TENM2: variants seen among roughly 807,000 people sequenced by gnomAD.
TENM2 encodes the protein teneurin transmembrane protein 2, also known as teneurin-2.
In TENM2, 52 loss-of-function variants were observed where a neutral mutation model predicts 245.2. That is an observed-to-expected ratio of 0.21 (90% CI 0.17 to 0.27). The LOEUF is 0.27. Among genes scored for constraint, TENM2 ranks in the 10% least tolerant of loss-of-function variants. TENM2 has a pLI of 1.00. For missense variants in TENM2, 3,046 were observed against 3,666.8 expected (o/e 0.83, Z 4.37); for synonymous variants, 1,363 against 1,438.9 (o/e 0.95, Z 1.19).
chr5:167,645,849 T>A lies in TENM2; in HGVS notation c.503-230137T>A, dbSNP rs142291498. On this transcript the variant is annotated intron_variant, in intron 2 of 28. Coordinates refer to ENST00000518659, the Ensembl canonical transcript of TENM2. The stretch of plus-strand genomic sequence containing the variant: ...AAATATATACACACACCTATATATG[T>A]ATATGTAATGCATATATTACAACAT... Among the ~76,000 whole-genome samples, 207 of 152,166 alleles carry A rather than the reference T, an allele frequency of 1.4e-3. 2 individuals carry two copies. The East Asian group carries it at 0.031, about 23-fold the overall frequency.
the TENM2 span, among the ~76,000 whole-genome samples, chr5:167,215,140 G>A: frequency 6.6e-6 from 1 of 152,094 alleles, no homozygotes; most frequent in Non-Finnish European, 1.5e-5. Context: ...TTCATATAGT[G>A]CTTCTTGCCC....
At chr5:168,209,600 G>C (rs1268401399) in intron 19 of TENM2, among the ~76,000 whole-genome samples, 1 of 152,156 alleles carries the variant, frequency 6.6e-6, no homozygotes, top group Non-Finnish European at 1.5e-5. Flanking sequence ...CCTTCCTCAA[G>C]GGGAAAATGT....
At chr5:167,315,943 A>G (rs938281294) in intron 1 of TENM2, among the ~76,000 whole-genome samples, 2 of 152,166 alleles carry the variant, frequency 1.3e-5, no homozygotes, top group Admixed American at 1.3e-4. Flanking sequence ...CAAAGCGTCT[A>G]TTTGCATTTC....
At chr5:167,548,181 G>A (rs1772689268) in intron 2 of TENM2, among the ~76,000 whole-genome samples, 1 of 152,312 alleles carries the variant, frequency 6.6e-6, no homozygotes, top group African/African-American at 2.4e-5. Flanking sequence ...GAGATAGTCA[G>A]ATGAAAGGTG....
chr5:167,730,781 A>G (rs1760368464), intron 2 of TENM2, among the ~76,000 whole-genome samples: 2 of 152,212 alleles, frequency 1.3e-5, no homozygotes. Context: ...CTGATATCTT[A>G]AAAGGCTAAA....
chr5:167,201,314 A>G, the TENM2 span, among the ~76,000 whole-genome samples: 1 of 152,342 alleles, frequency 6.6e-6, no homozygotes, highest in South Asian at 2.1e-4. Flanking sequence ...TTGGAATTAT[A>G]TTGCCTTTTA....
chr5:168,226,890 G>GATATA (rs1764240083), intron 24 of TENM2, among the ~76,000 whole-genome samples: 1 of 152,190 alleles, frequency 6.6e-6, no homozygotes, highest in Non-Finnish European at 1.5e-5. Flanking sequence ...ATATAATGTC[G>GATATA]GTGGGCTAGC....
chr5:167,993,960 G>T (rs1783862426), intron 5 of TENM2, among the ~76,000 whole-genome samples: 1 of 152,236 alleles, frequency 6.6e-6, no homozygotes, highest in African/African-American at 2.4e-5. Context: ...GGCAGATGCT[G>T]AGCGCCCAGG....
intron 2 of TENM2, among the ~76,000 whole-genome samples, chr5:167,800,994 A>G (rs1173693277): frequency 6.6e-6 from 1 of 151,544 alleles, no homozygotes; most frequent in Non-Finnish European, 1.5e-5. Flanking sequence ...TGCCTTAAAA[A>G]AAAGAACAAC....
At chr5:167,558,660 A>G (rs894494190) in intron 2 of TENM2, among the ~76,000 whole-genome samples, 5 of 152,206 alleles carry the variant, frequency 3.3e-5, no homozygotes, top group Non-Finnish European at 7.3e-5. Flanking sequence ...TCACCCCCTG[A>G]TGGGACCATC....
chr5:167,602,314 C>A (rs1776693628), intron 2 of TENM2, among the ~76,000 whole-genome samples: 1 of 152,148 alleles, frequency 6.6e-6, no homozygotes, highest in East Asian at 1.9e-4. Flanking sequence ...GTATCGAGGA[C>A]CTTTTAACTC....
At chr5:167,761,306 T>G (rs1413318843) in intron 2 of TENM2, among the ~76,000 whole-genome samples, 1 of 152,132 alleles carries the variant, frequency 6.6e-6, no homozygotes, top group African/African-American at 2.4e-5. Flanking sequence ...CATTAACATA[T>G]AAGCTCAACC....
the TENM2 span, among the ~76,000 whole-genome samples, chr5:167,076,933 C>T: frequency 2.0e-5 from 3 of 152,098 alleles, no homozygotes; most frequent in Non-Finnish European, 4.4e-5. Context: ...CTTCATTTCC[C>T]AGGTTCAAGT....
In TENM2 at chr5:167,314,601, G is replaced by A. The variant is rs531372977; in HGVS notation, c.226+29538G>A. The stretch of plus-strand genomic sequence containing the variant: ...CTTTACATAAGATGAGATGGATGTC[G>A]TTTTAAAGATATCGTGACAAATTTT... On this transcript the variant is annotated intron_variant, in intron 1 of 28. Coordinates refer to ENST00000518659, the Ensembl canonical transcript of TENM2. 4.6e-5 allele frequency among the ~76,000 whole-genome samples: 7 copies of A among 152,170 alleles called. No individual in the cohort carries two copies. The South Asian group carries it at 8.3e-4, about 18-fold the overall frequency.
At chr5:167,395,391 A>G (rs1761995926) in intron 2 of TENM2, among the ~76,000 whole-genome samples, 1 of 151,980 alleles carries the variant, frequency 6.6e-6, no homozygotes, top group South Asian at 2.1e-4. Flanking sequence ...TGGGGTTGGG[A>G]TATTTTTCTT....
chr5:167,108,587 G>C, the TENM2 span, among the ~76,000 whole-genome samples: 30 of 152,268 alleles, frequency 2.0e-4, no homozygotes, highest in African/African-American at 7.0e-4. Flanking sequence ...CTGCAGTTTC[G>C]TCAGTAATTT....
intron 3 of TENM2, among the ~76,000 whole-genome samples, chr5:167,951,200 G>A (rs1338937199): frequency 6.6e-6 from 1 of 152,186 alleles, no homozygotes; most frequent in East Asian, 1.9e-4. Context: ...CACATAAGGA[G>A]ACAAGTAGTT....
intron 13 of TENM2, among the ~76,000 whole-genome samples, chr5:168,181,308 C>T (rs1333082808): frequency 6.6e-6 from 1 of 152,238 alleles, no homozygotes; most frequent in Non-Finnish European, 1.5e-5. Flanking sequence ...ATCCCCTTGT[C>T]AAACATTTCC....
chr5:167,135,056 A>G, the TENM2 span, among the ~76,000 whole-genome samples: 1 of 152,226 alleles, frequency 6.6e-6, no homozygotes, highest in Non-Finnish European at 1.5e-5. Context: ...CATTATCGTC[A>G]TCAGAGCTGT....
Sources: allele counts gnomAD v4.1 joint callset (sites outside exome capture counted in the v4.1 genomes callset), GRCh38; gene constraint gnomAD v4.1.1; transcripts MANE v1.5; gene names NCBI Gene and HGNC (gene_info 2026-07-23, HGNC 2026-07-21).